EXOC4: variants seen among roughly 807,000 people sequenced by gnomAD.
The protein encoded by EXOC4 is exocyst complex component 4.
EXOC4 carries 71 observed loss-of-function variants against 107.2 expected under a neutral mutation model. The ratio of observed to expected loss-of-function variants is 0.66; its 90% CI spans 0.55 to 0.81. The LOEUF is 0.81. EXOC4 is among the 30% of genes least tolerant of loss of function. The probability of loss-of-function intolerance (pLI) is 0.00; values close to 1 mark genes in which losing one functional copy is unlikely to be tolerated. For synonymous variants in EXOC4, 456 were observed against 441.2 expected (o/e 1.03, Z -0.42); for missense variants, 1,108 against 1,189.6 (o/e 0.93, Z 1.01).
In EXOC4 at chr7:133,722,181, A is replaced by G. The variant is rs547693040; in HGVS notation, c.1514+92040A>G. ...CTAAATAGGCTTTGCCCTGTATCCC[A>G]TTTGGGACTTGGACGCCTGAAAACT... On this transcript the variant is annotated intron_variant, in intron 10 of 17. Transcript: ENST00000253861. 1.5e-4 allele frequency among the ~76,000 whole-genome samples: 23 copies of G among 152,322 alleles called. No individual in the cohort carries two copies. The East Asian group carries it at 3.9e-3, about 26-fold the overall frequency.
At chr7:133,939,513 T>C (rs1800379082) in intron 14 of EXOC4, among the ~76,000 whole-genome samples, 1 of 152,190 alleles carries the variant, frequency 6.6e-6, no homozygotes, top group Non-Finnish European at 1.5e-5. Context: ...ATACTTTTAT[T>C]CTTACGTCTT....
At chr7:133,399,273 A>G (rs1350372532) in intron 7 of EXOC4, among the ~76,000 whole-genome samples, 1 of 152,190 alleles carries the variant, frequency 6.6e-6, no homozygotes, top group Non-Finnish European at 1.5e-5. Context: ...GATTATATAT[A>G]TATCTTTGAT....
At chr7:133,659,400 T>C (rs1716195952) in intron 10 of EXOC4, among the ~76,000 whole-genome samples, 1 of 152,160 alleles carries the variant, frequency 6.6e-6, no homozygotes, top group South Asian at 2.1e-4. Context: ...TGAGCAAATA[T>C]ATACTAAGGA....
chr7:133,594,436 A>G (rs1004934303), intron 9 of EXOC4, among the ~76,000 whole-genome samples: 3 of 150,092 alleles, frequency 2.0e-5, no homozygotes, highest in African/African-American at 7.4e-5. Flanking sequence ...CTCTGCTTTC[A>G]TGGAGGTTAC....
chr7:133,642,804 C>CT (rs1206071498), intron 10 of EXOC4, among the ~76,000 whole-genome samples: 1 of 152,172 alleles, frequency 6.6e-6, no homozygotes, highest in African/African-American at 2.4e-5. Context: ...CCCTTGTACA[C>CT]TTCAAAGCCA....
chr7:133,381,189 T>C (rs1796611579), intron 7 of EXOC4, among the ~76,000 whole-genome samples: 1 of 152,346 alleles, frequency 6.6e-6, no homozygotes, highest in Admixed American at 6.5e-5. Flanking sequence ...AAAATTGTTA[T>C]ATAACTTTTA....
rs1402068518 is a variant in EXOC4, at chr7:134,065,260, G to A, written c.*732G>A. 1 of 152,170 alleles carries A rather than the reference G, an allele frequency of 6.6e-6. No homozygotes were observed. Among genetic ancestry groups the A allele is most frequent in the East Asian group, 1.9e-4 (1 of 5,196 alleles). 9.4% of individuals were successfully genotyped at this position (152,170 alleles called of 1,614,324 possible). ...TTAGACAACTATGGAGGAATGAAAG[G>A]CAATTCAAACATCTGCTTGATTCCC... On this transcript the variant is annotated 3_prime_UTR_variant, in exon 18 of 18. Coordinates refer to ENST00000253861, the MANE Select transcript of EXOC4 (RefSeq NM_021807.4).
chr7:134,099,393 G>A, the EXOC4 span, among the ~76,000 whole-genome samples: 8 of 152,152 alleles, frequency 5.3e-5, no homozygotes, highest in African/African-American at 1.9e-4. Context: ...TGTGACAGCT[G>A]TCCTGTCTTA....
chr7:134,015,416 T>TAG (rs2116388919), intron 17 of EXOC4, among the ~76,000 whole-genome samples: 1 of 152,328 alleles, frequency 6.6e-6, no homozygotes, highest in South Asian at 2.1e-4. Flanking sequence ...TGTGGGGTGT[T>TAG]AAAGTTATTT....
chr7:133,783,354 A>G (rs567374200), intron 10 of EXOC4, among the ~76,000 whole-genome samples: 1 of 152,308 alleles, frequency 6.6e-6, no homozygotes, highest in South Asian at 2.1e-4. Flanking sequence ...GAAAGAGTAG[A>G]TCATCATCTC....
chr7:133,680,687 C>T (rs1227678694), intron 10 of EXOC4, among the ~76,000 whole-genome samples: 2 of 152,318 alleles, frequency 1.3e-5, no homozygotes, highest in African/African-American at 4.8e-5. Context: ...AGCAAATCAC[C>T]TTTCAAACAT....
chr7:133,260,650 T>G (rs1326096351), intron 1 of EXOC4, among the ~76,000 whole-genome samples: 1 of 152,242 alleles, frequency 6.6e-6, no homozygotes, highest in Non-Finnish European at 1.5e-5. Flanking sequence ...AATTTTAGAA[T>G]AAGCTAGTCA....
chr7:133,548,955 C>T lies in EXOC4; in HGVS notation c.1417+68817C>T, dbSNP rs146965887. Among the ~76,000 whole-genome samples the T allele has an allele frequency of 4.0e-4, 61 of 152,320 alleles. 1 individual carries two copies. Among genetic ancestry groups the T allele is most frequent in the Admixed American group, 7.8e-4 (12 of 15,300 alleles). ...GCAAGAGGCCTGTCTTGGCTTTCTACGTGCCTTCCTCACTAAGCTTAATTA... is the reference window on the plus strand; with the variant it reads ...GCAAGAGGCCTGTCTTGGCTTTCTATGTGCCTTCCTCACTAAGCTTAATTA... On this transcript the variant is annotated intron_variant, in intron 9 of 17. Transcript: ENST00000253861.
intron 5 of EXOC4, among the ~76,000 whole-genome samples, chr7:133,350,981 A>T (rs1281237939): frequency 6.6e-6 from 1 of 151,590 alleles, no homozygotes; most frequent in African/African-American, 2.4e-5. Flanking sequence ...TTAATTCCTG[A>T]TTATTCTTTT....
intron 9 of EXOC4, among the ~76,000 whole-genome samples, chr7:133,519,162 C>T (rs1278584914): frequency 3.3e-5 from 5 of 152,016 alleles, no homozygotes; most frequent in Non-Finnish European, 7.4e-5. Flanking sequence ...TGCTTGTAAT[C>T]CCAGCAATTT....
the EXOC4 span, among the ~76,000 whole-genome samples, chr7:134,073,742 G>A: frequency 6.6e-6 from 1 of 151,998 alleles, no homozygotes; most frequent in African/African-American, 2.4e-5. Context: ...TCCGACTCCA[G>A]TCATTGTGAT....
At chr7:133,824,111 G>A (rs1216480704) in intron 11 of EXOC4, among the ~76,000 whole-genome samples, 1 of 149,976 alleles carries the variant, frequency 6.7e-6, no homozygotes, top group Non-Finnish European at 1.5e-5. Context: ...TAACTTCTCT[G>A]TACCTATTTC....
intron 14 of EXOC4, among the ~76,000 whole-genome samples, chr7:133,943,787 C>T (rs1172988286): frequency 6.6e-6 from 1 of 152,002 alleles, no homozygotes; most frequent in Non-Finnish European, 1.5e-5. Flanking sequence ...TAGAAATGTT[C>T]AAGTCAGCCA....
intron 7 of EXOC4, among the ~76,000 whole-genome samples, chr7:133,461,326 C>G (rs1312379913): frequency 6.6e-6 from 1 of 152,166 alleles, no homozygotes; most frequent in Non-Finnish European, 1.5e-5. Context: ...CAATGTTCCC[C>G]TTAAATTCCA....
Sources: gnomAD v4.1 joint callset for allele counts (sites outside exome capture counted in the v4.1 genomes callset) on GRCh38, gnomAD v4.1.1 for gene constraint, MANE v1.5 for transcripts, NCBI Gene and HGNC (gene_info 2026-07-23, HGNC 2026-07-21) for gene names.